Variants in SYBU observed in about 807,000 individuals in gnomAD.
SYBU encodes syntabulin.
Under a neutral mutation model 35.9 loss-of-function variants are expected in SYBU, and 21 were observed. The ratio of observed to expected loss-of-function variants is 0.58; its 90% CI spans 0.41 to 0.84. The LOEUF is 0.84. Among genes scored for constraint, SYBU ranks in the 40% least tolerant of loss-of-function variants. The pLI is 0.00. For missense variants in SYBU, 768 were observed against 848.2 expected, an observed-to-expected ratio of 0.91 and a Z score of 1.17; for synonymous variants, 319 against 324.3, an observed-to-expected ratio of 0.98 and a Z score of 0.18.
chr8:109,660,444 C>A (rs908386124), intron 1 of SYBU, among the ~76,000 whole-genome samples: 2 of 152,132 alleles, frequency 1.3e-5, no homozygotes, highest in Non-Finnish European at 2.9e-5. Context: ...AATATTCACA[C>A]TGGCCATTTT....
chr8:109,578,836 A>G (rs1822674303), intron 5 of SYBU, among the ~76,000 whole-genome samples: 1 of 152,180 alleles, frequency 6.6e-6, no homozygotes, highest in Non-Finnish European at 1.5e-5. Context: ...GCTGAATGCA[A>G]GTTGTTCTAA....
intron 3 of SYBU, among the ~76,000 whole-genome samples, chr8:109,611,212 C>T (rs1327552259): frequency 6.6e-6 from 1 of 152,112 alleles, no homozygotes; most frequent in African/African-American, 2.4e-5. Context: ...ACTGAGTAAG[C>T]ATTTGGCAGG....
intron 3 of SYBU, among the ~76,000 whole-genome samples, chr8:109,607,055 A>G (rs1826141950): frequency 6.6e-6 from 1 of 152,228 alleles, no homozygotes; most frequent in Non-Finnish European, 1.5e-5. Context: ...TTACCGAACT[A>G]AAGTTGGAGT....
intron 2 of SYBU, among the ~76,000 whole-genome samples, chr8:109,637,133 G>A (rs1299553686): frequency 2.0e-5 from 3 of 152,228 alleles, no homozygotes; most frequent in Admixed American, 1.3e-4. Flanking sequence ...TGGAAAGCCT[G>A]TAAAATGCAG....
intron 1 of SYBU, among the ~76,000 whole-genome samples, chr8:109,686,173 C>G (rs1015617401): frequency 1.1e-4 from 17 of 148,140 alleles, no homozygotes; most frequent in African/African-American, 4.2e-4. Context: ...GTACCTAATT[C>G]TGTAGTGAGG....
At chr8:109,675,267 G>T (rs568551243) in intron 1 of SYBU, among the ~76,000 whole-genome samples, 1 of 152,144 alleles carries the variant, frequency 6.6e-6, no homozygotes, top group Non-Finnish European at 1.5e-5. Flanking sequence ...AAAGCTAGCA[G>T]AAGACAAGAA....
intron 3 of SYBU, among the ~76,000 whole-genome samples, chr8:109,600,071 C>G (rs952742740): frequency 3.3e-5 from 5 of 152,174 alleles, no homozygotes; most frequent in African/African-American, 1.2e-4. Flanking sequence ...AAGAATTTAA[C>G]AAGTATTTAT....
intron 5 of SYBU, among the ~76,000 whole-genome samples, 192 bp downstream of exon 5, chr8:109,579,607 G>T (rs539920550): frequency 6.6e-6 from 1 of 152,282 alleles, no homozygotes; most frequent in Admixed American, 6.5e-5. Flanking sequence ...GCTGTGCCTT[G>T]TTAGAAATTG....
At chr8:109,664,672 G>A (rs1272898395) in intron 1 of SYBU, among the ~76,000 whole-genome samples, 2 of 152,142 alleles carry the variant, frequency 1.3e-5, no homozygotes, top group South Asian at 2.1e-4. Context: ...TTCTGAAGAA[G>A]GAAAAATTTG....
Position 109,575,306 on chromosome 8 carries a change from C to T in SYBU, c.1592G>A (p.Ser531Asn), listed in dbSNP as rs1822111703. ...PDESEPDSME[S>N]FPESLSALVV... ...TAAGGCAGAGAGGGACTCTGGGAAG[C>T]TCTCCATCGAGTCTGGTTCAGACTC... The change falls in exon 7 of 7, where the codon AGC (serine) becomes AAC (asparagine). Residue 531 changes from serine (S) to asparagine (N), a missense_variant. Transcript: ENST00000276646. 6.2e-6 allele frequency: 10 copies of T among 1,614,204 alleles called. No individual in the cohort carries two copies. The highest frequency in any genetic ancestry group is 8.5e-6 in the Non-Finnish European group (10 of 1,180,030).
At chr8:109,655,214 C>T (rs1276200022) in intron 1 of SYBU, among the ~76,000 whole-genome samples, 3 of 152,358 alleles carry the variant, frequency 2.0e-5, no homozygotes, top group East Asian at 1.9e-4. Flanking sequence ...CTCCCAGCAC[C>T]GTCCAGTTCC....
intron 1 of SYBU, among the ~76,000 whole-genome samples, chr8:109,654,091 T>C (rs1816261634): frequency 6.6e-6 from 1 of 152,226 alleles, no homozygotes; most frequent in African/African-American, 2.4e-5. Context: ...ACTGGACATT[T>C]CACATCAGCA....
At chr8:109,604,395 G>C (rs958190172) in intron 3 of SYBU, among the ~76,000 whole-genome samples, 1 of 152,086 alleles carries the variant, frequency 6.6e-6, no homozygotes, top group Non-Finnish European at 1.5e-5. Context: ...GTCATCCTCT[G>C]GGCTCCCACT....
intron 1 of SYBU, among the ~76,000 whole-genome samples, chr8:109,668,166 GA>G (rs1207010605): frequency 2.8e-4 from 6 of 21,636 alleles, no homozygotes; most frequent in Admixed American, 1.3e-3. Context: ...GGGAGAGGGG[GA>G]GAGAGAGAGA....
At chr8:109,659,125 C>T (rs1816470317) in intron 1 of SYBU, among the ~76,000 whole-genome samples, 1 of 152,060 alleles carries the variant, frequency 6.6e-6, no homozygotes. Flanking sequence ...TTGTGTTTTC[C>T]AGTAACGATG....
intron 2 of SYBU, among the ~76,000 whole-genome samples, chr8:109,625,011 G>A (rs1294013680): frequency 1.3e-5 from 2 of 152,154 alleles, no homozygotes; most frequent in Admixed American, 6.5e-5. Context: ...TGATACCAGG[G>A]AAGCAAATAG....
rs374617962 is a variant in SYBU, at chr8:109,575,395, C to A, written c.1503G>T (p.Glu501Asp). ...GCTTCTGCAGCACACTCTGAATGAG[C>A]TCTGAGATGGCTGGGCTGTAGGGCA... Reference protein sequence around the residue: ...DVVPYSPAISELIQSVLQKLQ... With the variant: ...DVVPYSPAISDLIQSVLQKLQ... The change falls in exon 7 of 7, where the codon GAG becomes GAT. Residue 501 changes from glutamate (E) to aspartate (D), a missense_variant. Glu to Asp is a conservative substitution (Grantham distance 45). Coordinates refer to ENST00000276646, the MANE Select transcript of SYBU (RefSeq NM_001099754.2). The A allele has an allele frequency of 1.2e-5, 20 of 1,613,978 alleles. 1 individual carries two copies. The Middle Eastern group carries it at 4.9e-4, about 40-fold the overall frequency.
At chr8:109,600,397 C>A (rs754683422) in intron 3 of SYBU, among the ~76,000 whole-genome samples, 32 of 152,246 alleles carry the variant, frequency 2.1e-4, no homozygotes, top group Non-Finnish European at 3.5e-4. Context: ...AAGTTTTCAG[C>A]CCAGGATACC....
At chr8:109,627,513 T>A (rs1255629256) in intron 2 of SYBU, among the ~76,000 whole-genome samples, 1 of 152,186 alleles carries the variant, frequency 6.6e-6, no homozygotes, top group Non-Finnish European at 1.5e-5. Context: ...ATCATATAAT[T>A]TTAATAATAT....
Sources: gnomAD v4.1 joint callset for allele counts (sites outside exome capture counted in the v4.1 genomes callset) on GRCh38, gnomAD v4.1.1 for gene constraint, MANE v1.5 for transcripts, NCBI Gene and HGNC (gene_info 2026-07-23, HGNC 2026-07-21) for gene names.